RNF111: variants seen among roughly 807,000 people sequenced by gnomAD.
RNF111 encodes the protein E3 ubiquitin-protein ligase Arkadia.
In RNF111, 17 loss-of-function variants were observed where a neutral mutation model predicts 95.1. That is an observed-to-expected ratio of 0.18 (90% confidence interval 0.12 to 0.27). The LOEUF (loss-of-function observed/expected upper bound fraction) is 0.27. RNF111 is among the 10% of genes least tolerant of loss of function. The probability of loss-of-function intolerance (pLI) is 1.00; values close to 1 mark genes in which losing one functional copy is unlikely to be tolerated. For missense variants in RNF111, 1,189 were observed against 1,210.4 expected, an observed-to-expected ratio of 0.98 and a Z score of 0.26; for synonymous variants, 440 against 414.8, an observed-to-expected ratio of 1.06 and a Z score of -0.74.
chr15:59,079,752 A>G (rs2078681564), intron 7 of RNF111, among the ~76,000 whole-genome samples: 1 of 152,122 alleles, frequency 6.6e-6, no homozygotes, highest in Admixed American at 6.5e-5. Flanking sequence ...ACTTTGAAAC[A>G]TAAAGATGTA....
chr15:59,034,127 A>C (rs1194447265), intron 2 of RNF111, among the ~76,000 whole-genome samples: 1 of 152,222 alleles, frequency 6.6e-6, no homozygotes, highest in East Asian at 1.9e-4. Flanking sequence ...AGGATAAATA[A>C]TGTGGCTCTT....
chr15:59,085,283 C>A (rs912416843), intron 9 of RNF111, among the ~76,000 whole-genome samples: 14 of 152,096 alleles, frequency 9.2e-5, no homozygotes, highest in African/African-American at 2.7e-4. Flanking sequence ...TGATATCTAG[C>A]AAACAAAAAC....
intron 11 of RNF111, among the ~76,000 whole-genome samples, chr15:59,090,000 ATG>A (rs2079003373): frequency 6.6e-6 from 1 of 152,190 alleles, no homozygotes; most frequent in Non-Finnish European, 1.5e-5. Context: ...GAATATAAAA[ATG>A]TATTAAATCA....
At position 59,088,281 on chromosome 15, in the gene RNF111, G is replaced by T. The variant is rs1253234348; in HGVS notation, c.2551-1386G>T. ...GGAGAAAAGCTCATCCATAAAGGCT[G>T]GAGGAAAGAGACTAGGGAGGAGAGG... On this transcript the variant is annotated intron_variant, in intron 10 of 13. Coordinates refer to ENST00000348370, the MANE Select transcript of RNF111 (RefSeq NM_017610.8). Among the ~76,000 whole-genome samples the T allele has an allele frequency of 2.0e-5, 3 of 152,258 alleles. No individual in the cohort carries two copies. In the East Asian group the frequency reaches 5.8e-4, roughly 29 times the overall value.
In RNF111 at chr15:59,088,360, G is replaced by A. The variant is rs909078472; in HGVS notation, c.2551-1307G>A. Among the ~76,000 whole-genome samples the A allele has an allele frequency of 4.6e-5, 7 of 152,250 alleles. No individual in the cohort carries two copies. The South Asian group carries it at 8.3e-4, about 18-fold the overall frequency. Reference sequence around the variant, plus strand: ...ATTTGGGATGCAGGAGTTCCTTTCCGATTTCTTTGAAGATGTTTAGGAGGT... The same window carrying A: ...ATTTGGGATGCAGGAGTTCCTTTCCAATTTCTTTGAAGATGTTTAGGAGGT... On this transcript the variant is annotated intron_variant, in intron 10 of 13. Coordinates refer to ENST00000348370, the MANE Select transcript of RNF111 (RefSeq NM_017610.8).
At chr15:59,068,600 C>T (rs1047694684) in intron 6 of RNF111, among the ~76,000 whole-genome samples, 34 of 152,192 alleles carry the variant, frequency 2.2e-4, no homozygotes, top group African/African-American at 7.0e-4. Context: ...AGCAAGACTC[C>T]GAAGTTCGTT....
At chr15:59,056,906 T>C (rs1188581459) in intron 4 of RNF111, among the ~76,000 whole-genome samples, 1 of 152,188 alleles carries the variant, frequency 6.6e-6, no homozygotes, top group African/African-American at 2.4e-5. Context: ...TAGAGTAGCC[T>C]TTTCCACATT....
chr15:58,999,781 G>A (rs1322372307), intron 1 of RNF111, among the ~76,000 whole-genome samples: 1 of 152,148 alleles, frequency 6.6e-6, no homozygotes, highest in South Asian at 2.1e-4. Flanking sequence ...TTGGCTCAAG[G>A]TTCCATAGGT....
chr15:59,055,431 CA>C, intron 3 of RNF111, among the ~76,000 whole-genome samples: 1 of 151,970 alleles, frequency 6.6e-6, no homozygotes, highest in Admixed American at 6.5e-5. Flanking sequence ...CAAAAGTAAC[CA>C]TGGAAGAGAG....
intron 7 of RNF111, among the ~76,000 whole-genome samples, chr15:59,080,157 G>T (rs561715106): frequency 1.4e-3 from 164 of 113,372 alleles, no homozygotes; most frequent in African/African-American, 5.5e-3. Context: ...GTCTCACTCT[G>T]TCGCCCAGGC....
Position 59,096,162 on chromosome 15 carries a change from C to T in RNF111, c.*1262C>T. ...AATATAGAATATAAAGTTAAGTTAA[C>T]ATACTAACATTTCTCCTTTGGAGGA... is the stretch of plus-strand genomic sequence containing the variant. On this transcript the variant is annotated 3_prime_UTR_variant, in exon 14 of 14. Transcript: ENST00000348370. 1 of 397,980 alleles carries T rather than the reference C, an allele frequency of 2.5e-6. No individual in the cohort carries two copies. The highest frequency in any genetic ancestry group is 4.4e-6 in the Non-Finnish European group (1 of 225,470). The allele number at this position is 397,980 out of a possible 1,614,324, so 24.7% of individuals were successfully genotyped here. A position where few individuals can be genotyped will look rare whatever the true frequency, so the allele number is the denominator to read the frequency against.
At chr15:59,045,284 A>G (rs2041654504) in intron 2 of RNF111, among the ~76,000 whole-genome samples, 2 of 149,984 alleles carry the variant, frequency 1.3e-5, no homozygotes, top group South Asian at 4.2e-4. Context: ...TCTGCCTCCC[A>G]GGTTCAAGTG....
chr15:59,020,104 AATAT>A (rs1394656395), intron 1 of RNF111, among the ~76,000 whole-genome samples: 2 of 148,556 alleles, frequency 1.3e-5, no homozygotes, highest in African/African-American at 4.9e-5. Flanking sequence ...ATAAGATATA[AATAT>A]ATATTTCATA....
At chr15:59,016,329 C>A (rs1432896306) in intron 1 of RNF111, among the ~76,000 whole-genome samples, 2 of 151,976 alleles carry the variant, frequency 1.3e-5, no homozygotes, top group African/African-American at 4.8e-5. Context: ...ACCACCACGC[C>A]CAGCTGATTT....
At chr15:59,010,873 T>C (rs747583391) in intron 1 of RNF111, among the ~76,000 whole-genome samples, 1 of 152,188 alleles carries the variant, frequency 6.6e-6, no homozygotes, top group Non-Finnish European at 1.5e-5. Context: ...AGATTCCTTC[T>C]CCTGTTATTT....
At chr15:58,994,033 ATTTT>A (rs371453519) in intron 1 of RNF111, among the ~76,000 whole-genome samples, 5 of 103,106 alleles carry the variant, frequency 4.8e-5, no homozygotes, top group African/African-American at 2.0e-4. Flanking sequence ...TGTTACTTAA[ATTTT>A]TTTTTTTTTT....
At chr15:59,052,978 A>G (rs1414052867) in intron 3 of RNF111, among the ~76,000 whole-genome samples, 1 of 152,172 alleles carries the variant, frequency 6.6e-6, no homozygotes, top group East Asian at 1.9e-4. Context: ...ATACATAAAT[A>G]TTGGGGATGG....
chr15:58,990,732 T>G (rs2038776938), intron 1 of RNF111, among the ~76,000 whole-genome samples: 1 of 152,278 alleles, frequency 6.6e-6, no homozygotes, highest in African/African-American at 2.4e-5. Context: ...TATTAATTAC[T>G]GAAGCTTTAA....
chr15:59,076,047 G>T lies in RNF111; in HGVS notation c.1780G>T (p.Val594Phe). ...GASAFDPCCP[V>F]SSSRAAIFGH... is the part of the protein sequence containing the mutation. ...ATCTGCATTTGACCCCTGCTGCCCT[G>T]TTTCTTCCTCCCGAGCTGCAATCTT... is the stretch of plus-strand genomic sequence containing the variant. Residue 594 changes from valine to phenylalanine, a missense_variant, in exon 7 of 14, where the codon GTT becomes TTT. By Grantham distance (50) the Val-to-Phe change is conservative (BLOSUM62 -1). Around this residue, in one of 2 missense-constraint regions of RNF111, gnomAD observed 1,024 missense variants for 925.9 expected, o/e 1.11. Coordinates refer to ENST00000348370, the MANE Select transcript of RNF111 (RefSeq NM_017610.8). 5.0e-6 allele frequency: 8 copies of T among 1,614,202 alleles called. No homozygotes were observed. The highest frequency in any genetic ancestry group is 6.8e-6 in the Non-Finnish European group (8 of 1,180,040).
Sources: allele counts gnomAD v4.1 joint callset (sites outside exome capture counted in the v4.1 genomes callset), GRCh38; gene constraint gnomAD v4.1.1; regional missense constraint gnomAD v4.1.1; transcripts MANE v1.5; gene names NCBI Gene and HGNC (gene_info 2026-07-23, HGNC 2026-07-21).